GNG2: variants seen among roughly 807,000 people sequenced by gnomAD.
GNG2 encodes the protein guanine nucleotide-binding protein G(I)/G(S)/G(O) subunit gamma-2.
In GNG2, 5 loss-of-function variants were observed where a neutral mutation model predicts 5.5. The ratio of observed to expected loss-of-function variants is 0.91; its 90% CI spans 0.48 to 1.92. The LOEUF is 1.92. GNG2 is among the 30% of genes most tolerant of loss of function. The probability of loss-of-function intolerance (pLI) is 0.01; values close to 1 mark genes in which losing one functional copy is unlikely to be tolerated. For missense variants in GNG2, 55 were observed against 88.4 expected (o/e 0.62, Z 1.52); for synonymous variants, 28 against 32.0 (o/e 0.88, Z 0.42).
chr14:51,965,298 C>T (rs764741117), intron 3 of GNG2, among the ~76,000 whole-genome samples: 16 of 152,194 alleles, frequency 1.1e-4, no homozygotes, highest in Non-Finnish European at 1.9e-4. Flanking sequence ...AGTTACTTGA[C>T]AGGCGTTCGT....
intron 2 of GNG2, among the ~76,000 whole-genome samples, chr14:51,845,309 G>T (rs1274398378): frequency 6.6e-6 from 1 of 152,112 alleles, no homozygotes; most frequent in African/African-American, 2.4e-5. Flanking sequence ...CGAGCAACAC[G>T]GCGAAGCCCT....
chr14:51,856,777 T>G (rs1882182017), upstream of GNG2, among the ~76,000 whole-genome samples: 1 of 152,238 alleles, frequency 6.6e-6, no homozygotes, highest in Admixed American at 6.5e-5. Flanking sequence ...ACTATGCTTC[T>G]TTATAAGAAG....
At chr14:51,923,808 G>A (rs1887161764) in intron 2 of GNG2, among the ~76,000 whole-genome samples, 1 of 152,138 alleles carries the variant, frequency 6.6e-6, no homozygotes, top group Non-Finnish European at 1.5e-5. Context: ...TACAACCCTT[G>A]CTTGTGACAG....
intron 2 of GNG2, among the ~76,000 whole-genome samples, chr14:51,932,783 G>A (rs916882361): frequency 3.9e-5 from 6 of 152,018 alleles, no homozygotes; most frequent in East Asian, 1.9e-4. Context: ...CTAAAGTATC[G>A]GGTCCTAATC....
intron 2 of GNG2, among the ~76,000 whole-genome samples, chr14:51,924,820 C>T (rs535771585): frequency 5.3e-5 from 8 of 152,298 alleles, no homozygotes; most frequent in Non-Finnish European, 1.2e-4. Context: ...ATCCTGTCCT[C>T]GTGCACGTCT....
rs369095215 is a variant in GNG2 at position 51,836,856 on chromosome 14, C to CTTTTTT, written c.64+9063_64+9068dup. On this transcript the variant is annotated intron_variant, in intron 2 of 3. Coordinates refer to the GNG2 transcript ENST00000553432. ...ATATTATGATTTTAAGTGACTTCAT[C>CTTTTTT]TTTTTTTTTTTTTTTTTTTGAGACA... Among the ~76,000 whole-genome samples, 5 of 130,676 alleles carry CTTTTTT rather than the reference C, an allele frequency of 3.8e-5. 1 individual carries two copies. The highest frequency in any genetic ancestry group is 8.1e-5 in the Non-Finnish European group (5 of 61,654). The allele number at this position is 130,676 out of a possible 152,430, so 85.7% of individuals were successfully genotyped here.
At chr14:51,874,228 C>A (rs573736916) in intron 1 of GNG2, 2 of 152,300 alleles carry the variant, frequency 1.3e-5, no homozygotes, top group East Asian at 1.9e-4. Context: ...GAGATCAAGA[C>A]CATCCTGGCT....
At chr14:51,852,448 T>G (rs1257612359) in intron 2 of GNG2, among the ~76,000 whole-genome samples, 1 of 152,246 alleles carries the variant, frequency 6.6e-6, no homozygotes, top group African/African-American at 2.4e-5. Context: ...CTATGAATTC[T>G]AGGATTTCAC....
chr14:51,919,982 C>T (rs1886917079), intron 2 of GNG2, among the ~76,000 whole-genome samples: 1 of 152,166 alleles, frequency 6.6e-6, no homozygotes, highest in Non-Finnish European at 1.5e-5. Flanking sequence ...ACCGTTGTCC[C>T]TCTGTATCTG....
At chr14:51,959,930 T>C (rs1889496207) in intron 3 of GNG2, among the ~76,000 whole-genome samples, 1 of 152,204 alleles carries the variant, frequency 6.6e-6, no homozygotes, top group Non-Finnish European at 1.5e-5. Context: ...AAATACCATA[T>C]AAGCAATTTG....
intron 2 of GNG2, among the ~76,000 whole-genome samples, chr14:51,916,760 T>C (rs1231635737): frequency 1.3e-5 from 2 of 152,062 alleles, no homozygotes; most frequent in African/African-American, 4.8e-5. Flanking sequence ...TAGTGGATAG[T>C]GTGAGGGTTC....
At chr14:51,857,977 C>T (rs527550647), upstream of GNG2, among the ~76,000 whole-genome samples, 16 of 152,280 alleles carry the variant, frequency 1.1e-4, no homozygotes, top group South Asian at 8.3e-4. Flanking sequence ...ACCCAACCTC[C>T]GCTACCAGTA....
chr14:51,956,301 T>G (rs1325994950), intron 3 of GNG2, among the ~76,000 whole-genome samples: 2 of 152,202 alleles, frequency 1.3e-5, no homozygotes, highest in African/African-American at 2.4e-5. Context: ...GTAGCCAAGT[T>G]GGACAGAACT....
Position 51,962,002 on chromosome 14 carries a change from A to G in GNG2, c.88-4557A>G, listed in dbSNP as rs1053334669. On this transcript the variant is annotated intron_variant, in intron 3 of 3. Transcript: ENST00000556766. ...TTAAAAATATCTTTCTAGCTACAGT[A>G]TGGAGAATACTACTCCTGCATAGTT... Among the ~76,000 whole-genome samples the G allele has an allele frequency of 2.6e-5, 4 of 152,194 alleles. No homozygotes were observed. The East Asian group carries it at 5.8e-4, about 22-fold the overall frequency.
intron 2 of GNG2, among the ~76,000 whole-genome samples, chr14:51,854,142 G>C (rs186097074): frequency 2.1e-3 from 313 of 152,254 alleles, no homozygotes; most frequent in African/African-American, 7.2e-3. Flanking sequence ...CCAAAGTGCT[G>C]GGATTACAGA....
intron 2 of GNG2, among the ~76,000 whole-genome samples, chr14:51,885,797 T>C (rs1027557829): frequency 6.6e-5 from 10 of 151,954 alleles, no homozygotes; most frequent in Non-Finnish European, 5.9e-5. Context: ...AATGATATAG[T>C]TGAGGTGATT....
chr14:51,949,933 A>G (rs942791391), intron 2 of GNG2, among the ~76,000 whole-genome samples: 1 of 152,168 alleles, frequency 6.6e-6, no homozygotes, highest in Non-Finnish European at 1.5e-5. Flanking sequence ...CCATCTCGCA[A>G]TCTGCCTAGG....
intron 2 of GNG2, among the ~76,000 whole-genome samples, chr14:51,842,442 A>T (rs1881508970): frequency 6.6e-6 from 1 of 152,194 alleles, no homozygotes. Flanking sequence ...TGGCAGGCAG[A>T]ATTTCTTTTG....
At chr14:51,843,043 G>C (rs1285701237) in intron 2 of GNG2, among the ~76,000 whole-genome samples, 1 of 152,186 alleles carries the variant, frequency 6.6e-6, no homozygotes, top group Non-Finnish European at 1.5e-5. Context: ...TAAGGTAGCA[G>C]GCTGAGATGT....
Sources: allele counts gnomAD v4.1 joint callset (sites outside exome capture counted in the v4.1 genomes callset), GRCh38; gene constraint gnomAD v4.1.1; transcripts MANE v1.5; gene names NCBI Gene and HGNC (gene_info 2026-07-23, HGNC 2026-07-21).